BAZ1B: variants seen among roughly 807,000 people sequenced by gnomAD.
The protein encoded by BAZ1B is tyrosine-protein kinase BAZ1B.
Under a neutral mutation model 153.8 loss-of-function variants are expected in BAZ1B, and 22 were observed. The observed-to-expected ratio is 0.14, with a 90% CI of 0.10 to 0.20. The LOEUF (loss-of-function observed/expected upper bound fraction) is 0.20. BAZ1B is among the 10% of genes least tolerant of loss of function. BAZ1B has a pLI of 1.00. For synonymous variants in BAZ1B, 676 were observed against 633.4 expected, an observed-to-expected ratio of 1.07 and a Z score of -1.01; for missense variants, 1,325 against 1,799.3, an observed-to-expected ratio of 0.74 and a Z score of 4.77.
chr7:73,521,710 G>C, intron 1 of BAZ1B, 117 bp downstream of exon 1: 1 of 806,656 alleles, frequency 1.2e-6, no homozygotes, highest in East Asian at 3.9e-5. Flanking sequence ...CGAGCGGCCG[G>C]GGCGCGCTGA....
At chr7:73,486,768 A>G (rs1789427769) in intron 6 of BAZ1B, among the ~76,000 whole-genome samples, 2 of 152,224 alleles carry the variant, frequency 1.3e-5, no homozygotes, top group African/African-American at 4.8e-5. Flanking sequence ...CTTTGGATGG[A>G]TGGGTCCTAT....
intron 1 of BAZ1B, among the ~76,000 whole-genome samples, chr7:73,514,214 GC>G (rs1269849179): frequency 2.6e-5 from 4 of 151,934 alleles, no homozygotes; most frequent in Non-Finnish European, 5.9e-5. Context: ...AAAAGCAGGG[GC>G]CAGAAAAAAA....
intron 1 of BAZ1B, among the ~76,000 whole-genome samples, chr7:73,518,488 C>G (rs533469260): frequency 1.5e-4 from 23 of 152,114 alleles, no homozygotes; most frequent in African/African-American, 5.5e-4. Context: ...TTCCAAATGT[C>G]CAGTAAAACT....
intron 6 of BAZ1B, among the ~76,000 whole-genome samples, chr7:73,482,392 A>G (rs1173571490): frequency 6.6e-6 from 1 of 152,214 alleles, no homozygotes; most frequent in Non-Finnish European, 1.5e-5. Flanking sequence ...GTGCCCCCAA[A>G]AAGTTAACAA....
chr7:73,479,883 G>C (rs1284121755), intron 6 of BAZ1B, among the ~76,000 whole-genome samples: 1 of 152,068 alleles, frequency 6.6e-6, no homozygotes, highest in Non-Finnish European at 1.5e-5. Context: ...AAAGTGGGTG[G>C]TCTCAGCTGG....
intron 9 of BAZ1B, among the ~76,000 whole-genome samples, chr7:73,467,254 T>G (rs1788626623): frequency 6.6e-6 from 1 of 152,042 alleles, no homozygotes; most frequent in Non-Finnish European, 1.5e-5. Flanking sequence ...ATTTGAAGCC[T>G]TACCTCATAC....
In BAZ1B at chr7:73,471,138, C is replaced by A. The variant is rs77677959; in HGVS notation, c.2594-655G>T. Among the ~76,000 whole-genome samples the A allele has an allele frequency of 2.2e-3, 337 of 152,300 alleles. 15 individuals are homozygous for A. In the East Asian group the frequency reaches 0.059, roughly 27 times the overall value. ...CTTCTGACAGGTGCACCTACAGGAT[C>A]CTCAAAAAGATCACGATAAATCAAA... On this transcript the variant is annotated intron_variant, in intron 7 of 19. Coordinates refer to ENST00000339594, the MANE Select transcript of BAZ1B (RefSeq NM_032408.4).
At chr7:73,516,181 T>C (rs528348533) in intron 1 of BAZ1B, among the ~76,000 whole-genome samples, 2 of 152,138 alleles carry the variant, frequency 1.3e-5, no homozygotes, top group South Asian at 4.2e-4. Flanking sequence ...TCTTTTTTAT[T>C]ATTTATTTAT....
intron 1 of BAZ1B, among the ~76,000 whole-genome samples, chr7:73,520,859 C>T (rs1452631391): frequency 6.6e-6 from 1 of 152,204 alleles, no homozygotes; most frequent in African/African-American, 2.4e-5. Context: ...AGCCTTCACT[C>T]TTAAAGCTTT....
chr7:73,478,692 C>T (rs193000147), intron 6 of BAZ1B, 123 bp from the exon 7 acceptor site: 1 of 780,036 alleles, frequency 1.3e-6, no homozygotes, highest in East Asian at 3.0e-5. Flanking sequence ...CATATCTCTT[C>T]ATAGATACTT....
intron 13 of BAZ1B, among the ~76,000 whole-genome samples, chr7:73,455,786 C>T (rs1350940078): frequency 1.3e-5 from 2 of 152,074 alleles, no homozygotes; most frequent in African/African-American, 2.4e-5. Flanking sequence ...TCTAAAGAAA[C>T]GCAATAAAAT....
intron 1 of BAZ1B, among the ~76,000 whole-genome samples, chr7:73,517,729 T>C (rs1790861730): frequency 6.6e-6 from 1 of 152,194 alleles, no homozygotes; most frequent in African/African-American, 2.4e-5. Context: ...GTCAAAGCAA[T>C]TCTCCAAAGG....
At chr7:73,512,215 T>A (rs1378634649) in intron 1 of BAZ1B, among the ~76,000 whole-genome samples, 1 of 151,810 alleles carries the variant, frequency 6.6e-6, no homozygotes, top group Non-Finnish European at 1.5e-5. Context: ...CCAACCTTTG[T>A]CCAACCTGCG....
At chr7:73,498,358 T>C (rs1466740974) in intron 4 of BAZ1B, 139 bp downstream of exon 4, 4 of 791,988 alleles carry the variant, frequency 5.1e-6, no homozygotes, top group Non-Finnish European at 6.1e-6. Context: ...ATTTTAGTTG[T>C]TCTATGAATC....
At chr7:73,444,970 C>T (rs1787775203) in intron 16 of BAZ1B, among the ~76,000 whole-genome samples, 2 of 152,182 alleles carry the variant, frequency 1.3e-5, no homozygotes, top group South Asian at 2.1e-4. Context: ...GCCGAGATCA[C>T]GCCACTGCAC....
At chr7:73,459,433 G>A (rs1268519395) in intron 13 of BAZ1B, 103 bp downstream of exon 13, 6 of 1,188,524 alleles carry the variant, frequency 5.0e-6, no homozygotes, top group Non-Finnish European at 4.7e-6. Flanking sequence ...ACTCACTCAG[G>A]GCACAGTGCC....
chr7:73,500,790 C>A (rs1790095719), intron 3 of BAZ1B, among the ~76,000 whole-genome samples: 1 of 151,364 alleles, frequency 6.6e-6, no homozygotes, highest in Admixed American at 6.6e-5. Context: ...ATTCAGGCAG[C>A]TGAGGCAGGA....
chr7:73,468,858 G>C (rs1425390464), intron 9 of BAZ1B, among the ~76,000 whole-genome samples: 1 of 152,188 alleles, frequency 6.6e-6, no homozygotes, highest in African/African-American at 2.4e-5. Context: ...GTCAGGTGCA[G>C]TGGCTCACAC....
In BAZ1B at chr7:73,520,815, G is replaced by T. The variant is rs560924623; in HGVS notation, c.107+1012C>A. 9.2e-5 allele frequency among the ~76,000 whole-genome samples: 14 copies of T among 152,266 alleles called. No homozygotes were observed. The South Asian group carries it at 2.9e-3, about 32-fold the overall frequency. On this transcript the variant is annotated intron_variant, in intron 1 of 19. Coordinates refer to ENST00000339594, the MANE Select transcript of BAZ1B (RefSeq NM_032408.4). ...AGAAACTGAGAAATGAAGTCCTTCC[G>T]AACAGAAGGGGCTGAGAAAACTCAT...
Sources: allele counts gnomAD v4.1 joint callset (sites outside exome capture counted in the v4.1 genomes callset), GRCh38; gene constraint gnomAD v4.1.1; transcripts MANE v1.5; gene names NCBI Gene and HGNC (gene_info 2026-07-23, HGNC 2026-07-21).